The following AP4M1 variants were observed in gnomAD, a reference collection of about 807,000 sequenced individuals.
AP4M1 encodes adaptor related protein complex 4 subunit mu 1, also known as AP-4 complex subunit mu-1.
In AP4M1, 58 loss-of-function variants were observed where a neutral mutation model predicts 62.4. The observed-to-expected ratio is 0.93, with a 90% CI of 0.75 to 1.16. The LOEUF (loss-of-function observed/expected upper bound fraction) is 1.16, where lower values mean the gene tolerates loss of function less well. Ranked by LOEUF, AP4M1 falls within the 50% of genes most tolerant of loss-of-function variation. AP4M1 has a pLI of 0.00. For missense variants in AP4M1, 626 were observed against 585.4 expected, an observed-to-expected ratio of 1.07 and a Z score of -0.72; for synonymous variants, 290 against 239.7, an observed-to-expected ratio of 1.21 and a Z score of -1.94.
rs982409621 is a variant in AP4M1, at chr7:100,105,172, C to T, written c.728-68C>T. 38 of 1,609,678 alleles carry T rather than the reference C, an allele frequency of 2.4e-5. No individual in the cohort carries two copies. In the South Asian group the frequency reaches 3.4e-4, roughly 14 times the overall value. On this transcript the variant is annotated intron_variant, in intron 9 of 14. Coordinates refer to ENST00000359593, the MANE Select transcript of AP4M1 (RefSeq NM_004722.4). ...GTTCATGGAGAGAAGTCAGACAGAGCCTCCCCTCTCCTTGCTCCTCTCCCA... is the reference window on the plus strand; with the variant it reads ...GTTCATGGAGAGAAGTCAGACAGAGTCTCCCCTCTCCTTGCTCCTCTCCCA...
chr7:100,106,091 C>T lies in AP4M1; in HGVS notation c.974+88C>T, dbSNP rs188932423. 818 of 1,564,676 alleles carry T rather than the reference C, an allele frequency of 5.2e-4. 3 individuals are homozygous for T. Among genetic ancestry groups the T allele is most frequent in the Non-Finnish European group, 5.8e-4 (658 of 1,136,192 alleles). On this transcript the variant is annotated intron_variant, in intron 12 of 14. Transcript: ENST00000359593. ...CTGCTGCTTCTCCCTTCAGATGCAG[C>T]TGCCAGCCTCAGAAGCCAGTTAAGG...
At chr7:100,104,835 A>C in intron 7 of AP4M1, 39 bp from the exon 8 acceptor site, 3 of 1,612,786 alleles carry the variant, frequency 1.9e-6, no homozygotes, top group Non-Finnish European at 2.5e-6. Flanking sequence ...AAAAAAAGAA[A>C]GAAAAAAAGA....
chr7:100,102,933 G>T lies in AP4M1; in HGVS notation c.324G>T (p.Leu108=). Residue 108 remains leucine, a synonymous_variant, in exon 4 of 15, where the codon CTG becomes CTT. Coordinates refer to ENST00000359593, the MANE Select transcript of AP4M1 (RefSeq NM_004722.4). ...GEGTISRNVA[L]VYELLDEVLD... ...GGACCATCTCCCGCAATGTGGCTCT[G>T]GTATACGAACTCCTGGATGAAGTGC... 6.2e-7 allele frequency: 1 copy of T among 1,614,058 alleles called. No individual in the cohort carries two copies. Among genetic ancestry groups the T allele is most frequent in the South Asian group, 1.1e-5 (1 of 91,072 alleles).
Position 100,102,816 on chromosome 7 carries a change from G to A in AP4M1, c.254+35G>A, listed in dbSNP as rs777797756. On this transcript the variant is annotated intron_variant, in intron 3 of 14. Transcript: ENST00000359593. ...GTTGGGCTGGGCACCTGGTAGCTAG[G>A]AGGGGTCTGAGAGGAGGAGAAAATA... 1.9e-6 allele frequency: 3 copies of A among 1,613,252 alleles called. No individual in the cohort carries two copies. The Admixed American group carries it at 5.0e-5, about 27-fold the overall frequency.
In AP4M1 at chr7:100,103,292, C is replaced by T. The variant is rs144294909; in HGVS notation, c.352-117C>T. 1.2e-4 allele frequency: 102 copies of T among 880,220 alleles called. 1 individual carries two copies. In the East Asian group the frequency reaches 1.3e-3, roughly 11 times the overall value. 54.5% of individuals were successfully genotyped at this position (880,220 alleles called of 1,614,324 possible). A position where few individuals can be genotyped will look rare whatever the true frequency, so the allele number is the denominator to read the frequency against. ...CTCATGGCCTCAAGCCATTCTCCTA[C>T]GTCTCGGCCTTCCAAAGCGCTGAGA... On this transcript the variant is annotated intron_variant, in intron 4 of 14. Coordinates refer to ENST00000359593, the MANE Select transcript of AP4M1 (RefSeq NM_004722.4).
In AP4M1 at chr7:100,101,914, G is replaced by A. The variant is rs202143875; in HGVS notation, c.93G>A (p.Glu31=). ...ACAGTGGCGGCCGGGATGTGGCCGA[G>A]CTCTTCTACCGGAAGCTGACGGGAC... The part of the protein sequence containing the change: ...RGDSGGRDVA[E]LFYRKLTGLP... The change falls in exon 2 of 15, where the codon GAG becomes GAA. Residue 31 remains glutamate (E), a synonymous_variant. Coordinates refer to ENST00000359593, the MANE Select transcript of AP4M1 (RefSeq NM_004722.4). The A allele has an allele frequency of 4.0e-5, 65 of 1,613,090 alleles. No individual in the cohort carries two copies. The East Asian group carries it at 1.3e-3, about 33-fold the overall frequency.
At chr7:100,103,085 T>C in intron 4 of AP4M1, 125 bp downstream of exon 4, 1 of 832,208 alleles carries the variant, frequency 1.2e-6, no homozygotes, top group Non-Finnish European at 1.9e-6. Context: ...TTTTTTTTGC[T>C]TTTAGAGACA....
Position 100,107,880 on chromosome 7 carries a change from G to A in AP4M1, c.*998G>A, listed in dbSNP as rs758108351. 3.8e-6 allele frequency: 6 copies of A among 1,564,202 alleles called. No individual in the cohort carries two copies. In the African/African-American group the frequency reaches 8.1e-5, roughly 21 times the overall value. On this transcript the variant is annotated 3_prime_UTR_variant, in exon 15 of 15. Transcript: ENST00000359593. ...CTGGGCCTCCCCAGGGTGCTCTGAG[G>A]TAACCCAGGCCCTCCAGATGCTCCC...
upstream of AP4M1, chr7:100,101,192 C>T (rs1254627762): frequency 1.3e-6 from 2 of 1,588,812 alleles, no homozygotes; most frequent in Non-Finnish European, 1.7e-6. Context: ...CCCAAGACCC[C>T]AGCTCACACC....
At chr7:100,101,379 T>C (rs1397427215), upstream of AP4M1, 4 of 1,581,554 alleles carry the variant, frequency 2.5e-6, no homozygotes, top group Non-Finnish European at 3.5e-6. Context: ...CGGTGGACTG[T>C]GGCCGGCCAA....
At chr7:100,104,533 A>G (rs957725585) in intron 7 of AP4M1, among the ~76,000 whole-genome samples, 7 of 150,016 alleles carry the variant, frequency 4.7e-5, no homozygotes, top group Non-Finnish European at 8.9e-5. Flanking sequence ...CTTAAAAAAA[A>G]TAAATAAGTA....
chr7:100,105,301 A>C lies in AP4M1; in HGVS notation c.789A>C (p.Glu263Asp), dbSNP rs1378445476. 1.9e-6 allele frequency: 3 copies of C among 1,614,000 alleles called. No homozygotes were observed. The highest frequency in any genetic ancestry group is 1.3e-5 in the African/African-American group (1 of 74,896). ...VSFHSSVNLD[E>D]FESHRILRLQ... The stretch of plus-strand genomic sequence containing the variant: ...TTCACAGCTCTGTGAATCTGGACGA[A>C]TTTGAGTCTCATCGAATCCTCCGCT... The change falls in exon 10 of 15, where the codon GAA (glutamate) becomes GAC (aspartate). Residue 263 changes from glutamate (E) to aspartate (D), a missense_variant. Coordinates refer to ENST00000359593, the MANE Select transcript of AP4M1 (RefSeq NM_004722.4).
chr7:100,108,379 C>A lies in AP4M1; in HGVS notation c.*1497C>A. The A allele has an allele frequency of 1.2e-6, 2 of 1,606,398 alleles. No homozygotes were observed. Among genetic ancestry groups the A allele is most frequent in the South Asian group, 2.2e-5 (2 of 90,778 alleles). On this transcript the variant is annotated 3_prime_UTR_variant, in exon 15 of 15. Transcript: ENST00000359593. The stretch of plus-strand genomic sequence containing the variant: ...CCCGGCCACGGACCTGCGTGATGGT[C>A]AGAGTGGTCCTGTTGACCTGCTGAG...
Position 100,107,556 on chromosome 7 carries a change from A to G in AP4M1, c.*674A>G, listed in dbSNP as rs1386577609. The G allele has an allele frequency of 1.2e-6, 2 of 1,613,438 alleles. No individual in the cohort carries two copies. Among genetic ancestry groups the G allele is most frequent in the East Asian group, 4.5e-5 (2 of 44,846 alleles). ...CTTGACGATGGGCTGCACGCTGGGGACGGTGGTGGTGACGGGCGAAGTGGT... is the reference window on the plus strand; with the variant it reads ...CTTGACGATGGGCTGCACGCTGGGGGCGGTGGTGGTGACGGGCGAAGTGGT... On this transcript the variant is annotated 3_prime_UTR_variant, in exon 15 of 15. Coordinates refer to ENST00000359593, the MANE Select transcript of AP4M1 (RefSeq NM_004722.4).
chr7:100,102,778 C>A lies in AP4M1; in HGVS notation c.251C>A (p.Ser84Tyr). ...CCCTTCAGCCTCCTAGAACTGCTCT[C>A]CAGGTGAGGAGGGTTGGGCTGGGCA... ...VSPFSLLELL[S>Y]RLATLLGDYC... The change falls in exon 3 of 15, where the codon TCC (serine) becomes TAC (tyrosine). Residue 84 changes from serine (S) to tyrosine (Y), a missense_variant. Ser to Tyr is a moderately radical substitution (Grantham distance 144, BLOSUM62 -2). Coordinates refer to ENST00000359593, the MANE Select transcript of AP4M1 (RefSeq NM_004722.4). 6.2e-7 allele frequency: 1 copy of A among 1,613,894 alleles called. No individual in the cohort carries two copies. The highest frequency in any genetic ancestry group is 8.5e-7 in the Non-Finnish European group (1 of 1,179,818).
chr7:100,105,392 G>C (rs767953033), intron 10 of AP4M1, 46 bp downstream of exon 10: 19 of 1,612,710 alleles, frequency 1.2e-5, no homozygotes, highest in African/African-American at 1.3e-5. Context: ...CATGGGGAAG[G>C]GGGCAGTGGG....
At chr7:100,101,237 C>T, upstream of AP4M1, 2 of 1,612,650 alleles carry the variant, frequency 1.2e-6, no homozygotes, top group Non-Finnish European at 1.7e-6. Flanking sequence ...CCGCGCAGGA[C>T]GCCCTCCCGG....
upstream of AP4M1, chr7:100,101,362 C>T (rs1308584154): frequency 4.4e-6 from 7 of 1,604,020 alleles, no homozygotes; most frequent in African/African-American, 1.3e-5. Context: ...AGCTGAGAAT[C>T]TCCGCGCGGT....
chr7:100,102,189 T>C, intron 2 of AP4M1: 1 of 629,898 alleles, frequency 1.6e-6, no homozygotes, highest in Non-Finnish European at 2.8e-6. Flanking sequence ...GAAATCAGCC[T>C]GGCCAACATG....
Sources: gnomAD v4.1 joint callset for allele counts (sites outside exome capture counted in the v4.1 genomes callset) on GRCh38, gnomAD v4.1.1 for gene constraint, MANE v1.5 for transcripts, NCBI Gene and HGNC (gene_info 2026-07-23, HGNC 2026-07-21) for gene names.